The following GJA9 variants were observed in gnomAD, a reference collection of about 807,000 sequenced individuals.
The protein encoded by GJA9 is gap junction alpha-9 protein.
GJA9 carries 1 observed loss-of-function variant against 0.4 expected under a neutral mutation model. That is an observed-to-expected ratio of 2.50 (90% CI 0.89 to 11.88). The LOEUF is 11.88. Ranked by LOEUF, GJA9 falls within the 30% of genes most tolerant of loss-of-function variation. GJA9 has a pLI of 0.12. For synonymous variants in GJA9, 190 were observed against 219.1 expected (o/e 0.87, Z 1.17); for missense variants, 550 against 602.8 (o/e 0.91, Z 0.92).
chr1:38,874,928 G>T lies in GJA9; in HGVS notation c.1171C>A (p.Pro391Thr), dbSNP rs199797353. Reference protein sequence around the residue: ...NYYSRGHRSIPGVAIDGENNM... With the variant: ...NYYSRGHRSITGVAIDGENNM... The stretch of plus-strand genomic sequence containing the variant: ...TTCTCTCCATCTATAGCAACACCTG[G>T]AATAGAACGGTGACCTCTAGAGTAG... Residue 391 changes from proline to threonine, a missense_variant, in exon 2 of 2, where the codon CCA becomes ACA. Transcript: ENST00000357771. The T allele has an allele frequency of 6.2e-7, 1 of 1,614,162 alleles. No individual in the cohort carries two copies. Among genetic ancestry groups the T allele is most frequent in the Admixed American group, 1.7e-5 (1 of 60,016 alleles).
chr1:38,880,057 T>C (rs925818245), intron 1 of GJA9, among the ~76,000 whole-genome samples: 2 of 151,456 alleles, frequency 1.3e-5, no homozygotes, highest in South Asian at 4.2e-4. Flanking sequence ...TTCTAAAATA[T>C]AGTTGTATTC....
In GJA9 at chr1:38,875,115, T is replaced by C; in HGVS notation, c.984A>G (p.Val328=). The change falls in exon 2 of 2, where the codon GTA becomes GTG. Residue 328 remains valine (V), a synonymous_variant. Coordinates refer to ENST00000357771, the MANE Select transcript of GJA9 (RefSeq NM_030772.5). ...TAAGTGTGGAAATCTCATTAGAAAG[T>C]ACAGTTTCCTGTTCATCCAAAATGC... The part of the protein sequence containing the change: ...EKCILDEQET[V]LSNEISTLST... 6.2e-7 allele frequency: 1 copy of C among 1,614,202 alleles called. No homozygotes were observed. The highest frequency in any genetic ancestry group is 8.5e-7 in the Non-Finnish European group (1 of 1,180,024).
Position 38,874,478 on chromosome 1 carries a change from A to ATTTTTTTTTT in GJA9, c.*72_*73insAAAAAAAAAA. The ATTTTTTTTTT allele has an allele frequency of 8.3e-7, 1 of 1,209,276 alleles. No individual in the cohort carries two copies. The highest frequency in any genetic ancestry group is 1.2e-6 in the Non-Finnish European group (1 of 846,990). The allele number at this position is 1,209,276 out of a possible 1,614,324, so 74.9% of individuals were successfully genotyped here. ...CTGGTCTTTAGAGCTGCCCCTATCT[A>ATTTTTTTTTT]TTTTTTCTGTGCCCCACGACCACTA... On this transcript the variant is annotated 3_prime_UTR_variant, in exon 2 of 2. Transcript: ENST00000357771.
intron 1 of GJA9, among the ~76,000 whole-genome samples, chr1:38,878,972 A>T (rs1361240657): frequency 6.6e-6 from 1 of 152,046 alleles, no homozygotes; most frequent in Non-Finnish European, 1.5e-5. Context: ...ACCTCAGGTG[A>T]TCCACCTGCC....
Position 38,875,156 on chromosome 1 carries a change from C to T in GJA9, c.943G>A (p.Val315Ile), listed in dbSNP as rs772098267. Residue 315 changes from valine to isoleucine, a missense_variant, in exon 2 of 2, where the codon GTA becomes ATA. Coordinates refer to ENST00000357771, the MANE Select transcript of GJA9 (RefSeq NM_030772.5). Reference protein sequence around the residue: ...VFQPNPDNHSVNDEKCILDEQ... With the variant: ...VFQPNPDNHSINDEKCILDEQ... ...TCCAAAATGCATTTCTCATCATTTA[C>T]ACTATGATTGTCAGGATTTGGCTGG... is the stretch of plus-strand genomic sequence containing the variant. The T allele has an allele frequency of 7.4e-6, 12 of 1,613,940 alleles. No homozygotes were observed. The East Asian group carries it at 2.7e-4, about 36-fold the overall frequency.
chr1:38,877,224 A>G (rs1642603720), intron 1 of GJA9, among the ~76,000 whole-genome samples: 2 of 149,388 alleles, frequency 1.3e-5, no homozygotes, highest in Admixed American at 1.3e-4. Flanking sequence ...TTTTTAGTAG[A>G]GATGATGTTT....
chr1:38,879,186 T>C (rs972724817), intron 1 of GJA9, among the ~76,000 whole-genome samples: 1 of 152,232 alleles, frequency 6.6e-6, no homozygotes, highest in Non-Finnish European at 1.5e-5. Context: ...AGTTATAATT[T>C]AGCTGCTTGG....
In GJA9 at chr1:38,874,589, G is replaced by T; in HGVS notation, c.1510C>A (p.Leu504Ile). The change falls in exon 2 of 2, where the codon CTC (leucine) becomes ATC (isoleucine). Residue 504 changes from leucine (L) to isoleucine (I), a missense_variant. By Grantham distance (5) the Leu-to-Ile change is conservative. Coordinates refer to ENST00000357771, the MANE Select transcript of GJA9 (RefSeq NM_030772.5). Reference sequence around the variant, plus strand: ...TCTGTGGGAACCCGCCTACCAATGAGATTGTTCGTTAGGGACACTACGTGA... The same window carrying T: ...TCTGTGGGAACCCGCCTACCAATGATATTGTTCGTTAGGGACACTACGTGA... ...PNHVVSLTNN[L>I]IGRRVPTDLQ... is the part of the protein sequence containing the mutation. The T allele has an allele frequency of 6.2e-7, 1 of 1,614,128 alleles. No homozygotes were observed. The highest frequency in any genetic ancestry group is 8.5e-7 in the Non-Finnish European group (1 of 1,180,006).
At position 38,874,623 on chromosome 1, in the gene GJA9, A is replaced by T; in HGVS notation, c.1476T>A (p.Cys492Ter). ...GLVRTCNNPVCPPNHVVSLTN... is the reference protein window; with the variant it reads ...GLVRTCNNPV Reference sequence around the variant, plus strand: ...TTAGGGACACTACGTGATTTGGAGGACAAACAGGATTATTACAGGTTCTGA... The same window carrying T: ...TTAGGGACACTACGTGATTTGGAGGTCAAACAGGATTATTACAGGTTCTGA... The change falls in exon 2 of 2, where the codon TGT becomes TGA. Residue 492 changes from cysteine to a stop codon, truncating the protein, a stop_gained. Transcript: ENST00000357771. LOFTEE classifies it high-confidence loss of function. 6.2e-7 allele frequency: 1 copy of T among 1,614,214 alleles called. No individual in the cohort carries two copies. The highest frequency in any genetic ancestry group is 8.5e-7 in the Non-Finnish European group (1 of 1,180,030).
At chr1:38,878,773 G>A (rs1213530806) in intron 1 of GJA9, among the ~76,000 whole-genome samples, 3 of 79,282 alleles carry the variant, frequency 3.8e-5, no homozygotes, top group African/African-American at 1.5e-4. Flanking sequence ...CCCTCTTGTT[G>A]CCCAGGCTGG....
chr1:38,876,376 C>A (rs551888864), intron 1 of GJA9, 183 bp from the exon 2 acceptor site: 5 of 397,556 alleles, frequency 1.3e-5, no homozygotes, highest in African/African-American at 2.1e-5. Context: ...CAGACTCAAG[C>A]GATCATCTCC....
rs779435160 is a variant in GJA9 at position 38,875,345 on chromosome 1, G to A, written c.754C>T (p.His252Tyr). Residue 252 changes from histidine (H) to tyrosine (Y), a missense_variant, in exon 2 of 2, where the codon CAT becomes TAT. His to Tyr is a moderately conservative substitution (Grantham distance 83, BLOSUM62 2). Transcript: ENST00000357771. ...GCCTTGTTTGCATGGAATTCATTATGTTCCTTCTTCAACTTGTATTTTCCC... is the reference window on the plus strand; with the variant it reads ...GCCTTGTTTGCATGGAATTCATTATATTCCTTCTTCAACTTGTATTTTCCC... Reference protein sequence around the residue: ...LWGKYKLKKEHNEFHANKAKQ... With the variant: ...LWGKYKLKKEYNEFHANKAKQ... 3 of 1,613,266 alleles carry A rather than the reference G, an allele frequency of 1.9e-6. No individual in the cohort carries two copies. The highest frequency in any genetic ancestry group is 2.2e-5 in the East Asian group (1 of 44,788).
At position 38,874,297 on chromosome 1, in the gene GJA9, C is replaced by T; in HGVS notation, c.*254G>A. 7.2e-6 allele frequency: 3 copies of T among 417,460 alleles called. No homozygotes were observed. The highest frequency in any genetic ancestry group is 8.6e-6 in the Non-Finnish European group (2 of 233,602). 25.9% of individuals were successfully genotyped at this position (417,460 alleles called of 1,614,324 possible). A position where few individuals can be genotyped will look rare whatever the true frequency, so the allele number is the denominator to read the frequency against. ...CCTCAATTCTGAACATGTGATTTTC[C>T]CAAAATCAGTTACATTCGAAAGGAT... On this transcript the variant is annotated 3_prime_UTR_variant, in exon 2 of 2. Transcript: ENST00000357771.
rs1161518377 is a variant in GJA9, at chr1:38,881,490, A to G, written c.-154T>C. Reference sequence around the variant, plus strand: ...CATGTTTAGAAGTTACAGCATGGCCATCTTCAATTTATTTTCTGAATTTGT... The same window carrying G: ...CATGTTTAGAAGTTACAGCATGGCCGTCTTCAATTTATTTTCTGAATTTGT... On this transcript the variant is annotated 5_prime_UTR_variant, in exon 1 of 2. It removes an upstream start codon present in the reference 5' UTR. Coordinates refer to ENST00000357771, the MANE Select transcript of GJA9 (RefSeq NM_030772.5). 7 of 700,626 alleles carry G rather than the reference A, an allele frequency of 1.0e-5. No homozygotes were observed. The East Asian group carries it at 1.9e-4, about 19-fold the overall frequency. 43.4% of individuals were successfully genotyped at this position (700,626 alleles called of 1,614,324 possible). A position where few individuals can be genotyped will look rare whatever the true frequency, so the allele number is the denominator to read the frequency against.
chr1:38,878,141 G>T (rs1642623417), intron 1 of GJA9, among the ~76,000 whole-genome samples: 1 of 151,724 alleles, frequency 6.6e-6, no homozygotes, highest in Admixed American at 6.6e-5. Context: ...TGCAGTGGCA[G>T]GATCTCAGCC....
Position 38,874,674 on chromosome 1 carries a change from TC to T in GJA9, c.1424del (p.Gly475GlufsTer23), listed in dbSNP as rs1487116663. ...LDIPNTADSL[G>X]GLSFEPGLVR... is the part of the protein sequence containing the mutation. ...CCAACCCTGGCTCAAAGGACAGCCC[TC>T]CCAAAGAATCAGCAGTGTTTGGAAT... On this transcript the variant is annotated frameshift_variant, in exon 2 of 2. Coordinates refer to ENST00000357771, the MANE Select transcript of GJA9 (RefSeq NM_030772.5). LOFTEE classifies it high-confidence loss of function. 1.9e-6 allele frequency: 3 copies of T among 1,614,148 alleles called. No homozygotes were observed. In the African/African-American group the frequency reaches 4.0e-5, roughly 22 times the overall value.
Position 38,874,754 on chromosome 1 carries a change from T to C in GJA9, c.1345A>G (p.Lys449Glu), listed in dbSNP as rs754116828. The C allele has an allele frequency of 6.2e-7, 1 of 1,614,214 alleles. No homozygotes were observed. The highest frequency in any genetic ancestry group is 2.2e-5 in the East Asian group (1 of 44,890). The change falls in exon 2 of 2, where the codon AAG becomes GAG. Residue 449 changes from lysine to glutamate, a missense_variant. Physicochemically the swap from Lys to Glu is moderately conservative, Grantham distance 56. Transcript: ENST00000357771. ...PKGNLKGQFR[K>E]GTVRTLPPSQ... ...GGAGGAAGGGTTCTGACTGTGCCCT[T>C]TCTGAACTGGCCCTTGAGGTTACCT...
intron 1 of GJA9, among the ~76,000 whole-genome samples, chr1:38,880,425 T>A (rs1243020849): frequency 0.063 from 2,983 of 47,212 alleles, 206 homozygotes; most frequent in Non-Finnish European, 0.11. Context: ...ATAATAATAA[T>A]AATAATAATA....
chr1:38,880,565 C>T (rs1429184318), intron 1 of GJA9, among the ~76,000 whole-genome samples: 2 of 149,852 alleles, frequency 1.3e-5, no homozygotes, highest in Non-Finnish European at 1.5e-5. Flanking sequence ...GGGCGGATTA[C>T]GAGGTCAGGA....
Sources: allele counts gnomAD v4.1 joint callset (sites outside exome capture counted in the v4.1 genomes callset), GRCh38; gene constraint gnomAD v4.1.1; transcripts MANE v1.5; gene names NCBI Gene and HGNC (gene_info 2026-07-23, HGNC 2026-07-21).